AFDN: variants seen among roughly 807,000 people sequenced by gnomAD.
AFDN encodes the protein afadin.
In AFDN, 68 loss-of-function variants were observed where a neutral mutation model predicts 216.6. The observed-to-expected ratio is 0.31, with a 90% confidence interval of 0.26 to 0.38. The LOEUF (loss-of-function observed/expected upper bound fraction) is 0.38, where lower values mean the gene tolerates loss of function less well. Among genes scored for constraint, AFDN ranks in the 10% least tolerant of loss-of-function variants. The pLI is 1.00. For synonymous variants in AFDN, 868 were observed against 853.7 expected (o/e 1.02, Z -0.29); for missense variants, 2,136 against 2,342.0 (o/e 0.91, Z 1.82).
intron 5 of AFDN, among the ~76,000 whole-genome samples, chr6:167,879,693 A>C (rs900602624): frequency 6.6e-6 from 1 of 152,214 alleles, no homozygotes; most frequent in Non-Finnish European, 1.5e-5. Context: ...AGGATATCCA[A>C]ATTGCTCTGC....
chr6:167,854,938 A>G (rs950090429), intron 1 of AFDN, among the ~76,000 whole-genome samples: 6 of 151,940 alleles, frequency 3.9e-5, no homozygotes, highest in Non-Finnish European at 5.9e-5. Flanking sequence ...ATTTTTAGTT[A>G]CTGTTTTCTT....
In AFDN at chr6:167,847,061, C is replaced by T. The variant is rs566808253; in HGVS notation, c.106-17490C>T. On this transcript the variant is annotated intron_variant, in intron 1 of 33. Coordinates refer to ENST00000683244, the MANE Select transcript of AFDN (RefSeq NM_001386888.1). The stretch of plus-strand genomic sequence containing the variant: ...GAACGCTTTTCATTTGCTTTTTTAC[C>T]GTAAGTGGGAGCAGCTTTTAACTTC... 5.9e-5 allele frequency among the ~76,000 whole-genome samples: 9 copies of T among 151,958 alleles called. No homozygotes were observed. The South Asian group carries it at 6.3e-4, about 11-fold the overall frequency.
In AFDN at chr6:167,962,783, G is replaced by C. The variant is rs1797169264; in HGVS notation, c.4968+216G>C. ...GTCTCCAGATCCCCTTATCTGCCAAGTTTTGTCTCCTTCAAACTTCTGAAC... is the reference window on the plus strand; with the variant it reads ...GTCTCCAGATCCCCTTATCTGCCAACTTTTGTCTCCTTCAAACTTCTGAAC... On this transcript the variant is annotated intron_variant, in intron 31 of 33. Transcript: ENST00000683244. This position sits in a 1 kb window ranked among gnomAD's most constrained non-coding sequence, Gnocchi z 5.2. 7.2e-7 allele frequency: 1 copy of C among 1,389,790 alleles called. No individual in the cohort carries two copies. Among genetic ancestry groups the C allele is most frequent in the Non-Finnish European group, 9.3e-7 (1 of 1,072,478 alleles). The allele number at this position is 1,389,790 out of a possible 1,614,324, so 86.1% of individuals were successfully genotyped here. A position where few individuals can be genotyped will look rare whatever the true frequency, so the allele number is the denominator to read the frequency against.
At chr6:167,917,351 A>G in intron 20 of AFDN, 119 bp downstream of exon 20, 4 of 1,127,154 alleles carry the variant, frequency 3.5e-6, no homozygotes, top group Non-Finnish European at 4.8e-6. Flanking sequence ...TCATCTTACA[A>G]GATCATTTTC....
chr6:167,895,083 T>C (rs561822346), intron 9 of AFDN, among the ~76,000 whole-genome samples: 3 of 152,194 alleles, frequency 2.0e-5, no homozygotes, highest in African/African-American at 7.2e-5. Flanking sequence ...TTGCTAACTA[T>C]GGACCGTATG....
chr6:167,930,786 G>T (rs895651051), intron 23 of AFDN, among the ~76,000 whole-genome samples: 2 of 152,216 alleles, frequency 1.3e-5, no homozygotes, highest in Admixed American at 1.3e-4. Flanking sequence ...GAAAGGCCTT[G>T]TGATGGTGGG....
In AFDN at chr6:167,943,968, C is replaced by T; in HGVS notation, c.3267C>T (p.Ser1089=). 4 of 1,614,152 alleles carry T rather than the reference C, an allele frequency of 2.5e-6. No homozygotes were observed. Among genetic ancestry groups the T allele is most frequent in the Non-Finnish European group, 3.4e-6 (4 of 1,180,020 alleles). Residue 1089 remains serine (S), a synonymous_variant, in exon 26 of 34, where the codon AGC becomes AGT. Transcript: ENST00000683244. The part of the protein sequence containing the change: ...ERAAELMTRT[S]SVVTLEVAKQ... ...CGGCAGAACTCATGACAAGAACAAG[C>T]TCTGTGGTGACACTGGAAGTAGCAA...
intron 17 of AFDN, 105 bp downstream of exon 17, chr6:167,914,418 G>C: frequency 2.1e-6 from 3 of 1,397,152 alleles, no homozygotes; most frequent in Non-Finnish European, 2.9e-6. Flanking sequence ...TACCTTGATT[G>C]AAGGTGAATA....
intron 6 of AFDN, among the ~76,000 whole-genome samples, chr6:167,884,878 T>A (rs1786586505): frequency 6.6e-6 from 1 of 152,226 alleles, no homozygotes; most frequent in African/African-American, 2.4e-5. Context: ...TAGAGAGTCC[T>A]AGATGGCTGC....
intron 31 of AFDN, chr6:167,965,232 C>CTTGT (rs1797423800): frequency 7.5e-6 from 2 of 265,652 alleles, no homozygotes; most frequent in Admixed American, 1.3e-4. Context: ...TCATGTCCTC[C>CTTGT]TTGTCCAGGA....
intron 32 of AFDN, among the ~76,000 whole-genome samples, chr6:167,966,758 A>G (rs75357289): frequency 0.042 from 6,435 of 152,198 alleles, 128 homozygotes; most frequent in Non-Finnish European, 0.065. Context: ...ACGCGCTCTC[A>G]TGGTGGTTTG....
chr6:167,842,872 A>T (rs1265289549), intron 1 of AFDN, among the ~76,000 whole-genome samples: 1 of 152,152 alleles, frequency 6.6e-6, no homozygotes, highest in African/African-American at 2.4e-5. Context: ...TGTCTTTAGC[A>T]TCTCCAGTAA....
At chr6:167,947,991 T>A in intron 28 of AFDN, 47 bp downstream of exon 28, 1 of 1,405,438 alleles carries the variant, frequency 7.1e-7, no homozygotes, top group Non-Finnish European at 1.0e-6. Context: ...TTTCCATCCT[T>A]AGGGTTCCCT....
chr6:167,901,686 G>A (rs1038987821), intron 11 of AFDN, among the ~76,000 whole-genome samples: 5 of 152,210 alleles, frequency 3.3e-5, no homozygotes, highest in African/African-American at 1.2e-4. Context: ...AAATAGGGCC[G>A]CCGGCACTTC....
At chr6:167,828,516 T>C (rs1270935999) in intron 1 of AFDN, among the ~76,000 whole-genome samples, 1 of 152,206 alleles carries the variant, frequency 6.6e-6, no homozygotes, top group East Asian at 1.9e-4. Flanking sequence ...TGAGCATAGA[T>C]GTTATGTTAA....
Position 167,827,249 on chromosome 6 carries a change from C to T in AFDN, c.105+12C>T, listed in dbSNP as rs1297405850. ...GCCAGCCGACCGAGGTGAGCACCGCCGGGCGCGGGGCCTGCGCGACCCCCG... is the reference window on the plus strand; with the variant it reads ...GCCAGCCGACCGAGGTGAGCACCGCTGGGCGCGGGGCCTGCGCGACCCCCG... On this transcript the variant is annotated intron_variant, in intron 1 of 33. Coordinates refer to ENST00000683244, the MANE Select transcript of AFDN (RefSeq NM_001386888.1). The T allele has an allele frequency of 1.8e-6, 2 of 1,122,154 alleles. No homozygotes were observed. Among genetic ancestry groups the T allele is most frequent in the Non-Finnish European group, 2.2e-6 (2 of 891,576 alleles). 69.5% of individuals were successfully genotyped at this position (1,122,154 alleles called of 1,614,324 possible).
chr6:167,850,881 T>TG (rs1562550627), intron 1 of AFDN, among the ~76,000 whole-genome samples: 1 of 151,180 alleles, frequency 6.6e-6, no homozygotes, highest in Non-Finnish European at 1.5e-5. Context: ...TAATTTTTTA[T>TG]TGTGTGTGTG....
intron 30 of AFDN, chr6:167,954,612 G>C (rs1277914420): frequency 1.4e-6 from 1 of 698,596 alleles, no homozygotes; most frequent in Non-Finnish European, 2.3e-6. Context: ...TCCTCCATCA[G>C]GAGATGGAGT....
At chr6:167,840,268 A>G (rs555656952) in intron 1 of AFDN, among the ~76,000 whole-genome samples, 4 of 152,360 alleles carry the variant, frequency 2.6e-5, no homozygotes, top group Non-Finnish European at 5.9e-5. Flanking sequence ...CTGTGCGCAG[A>G]CATGTGTGAA....
Sources: gnomAD v4.1 joint callset for allele counts (sites outside exome capture counted in the v4.1 genomes callset) on GRCh38, gnomAD v4.1.1 for gene constraint, Gnocchi (gnomAD v3.1) non-coding constraint, MANE v1.5 for transcripts, NCBI Gene and HGNC (gene_info 2026-07-23, HGNC 2026-07-21) for gene names.